The following AHRR variants were observed in gnomAD, a reference collection of about 807,000 sequenced individuals.
AHRR encodes the protein ahR repressor.
Under a neutral mutation model 44.0 loss-of-function variants are expected in AHRR, and 28 were observed. That is an observed-to-expected ratio of 0.64 (90% CI 0.47 to 0.87). The LOEUF is 0.87. Ranked by LOEUF, AHRR falls within the 40% of genes least tolerant of loss-of-function variation. AHRR has a pLI of 0.00. For missense variants in AHRR, 990 were observed against 953.9 expected, an observed-to-expected ratio of 1.04 and a Z score of -0.50; for synonymous variants, 434 against 407.0, an observed-to-expected ratio of 1.07 and a Z score of -0.80.
At chr5:329,575 G>T (rs1194240113) in intron 1 of AHRR, among the ~76,000 whole-genome samples, 1 of 152,196 alleles carries the variant, frequency 6.6e-6, no homozygotes, top group Non-Finnish European at 1.5e-5. Context: ...TGAATCTATA[G>T]ATTGCCTTGG....
chr5:370,064 ATCCTCCCGGGCCCTCGCTGGAAGCCCCG>A lies in AHRR; in HGVS notation c.245-6497_245-6470del, dbSNP rs1560895024. 6.6e-5 allele frequency among the ~76,000 whole-genome samples: 9 copies of A among 136,980 alleles called. No homozygotes were observed. The highest frequency in any genetic ancestry group is 4.6e-4 in the South Asian group (2 of 4,340). 89.9% of individuals were successfully genotyped at this position (136,980 alleles called of 152,430 possible). On this transcript the variant is annotated intron_variant, in intron 3 of 10. Transcript: ENST00000684583. This position sits in a 1 kb window ranked among gnomAD's most constrained non-coding sequence, Gnocchi z 4.5. ...CCTCCCGGGCTCTTGCTGGTGCCCC[ATCCTCCCGGGCCCTCGCTGGAAGCCCCG>A]TCCTCCCGGGCCCTCGCTGGAAGCC...
At chr5:423,018 G>A in intron 6 of AHRR, among the ~76,000 whole-genome samples, 160 bp downstream of exon 6, 1 of 152,156 alleles carries the variant, frequency 6.6e-6, no homozygotes, top group East Asian at 1.9e-4. Context: ...CTCCTCCCAT[G>A]TCCCTCCCTG....
chr5:421,620 C>T (rs1736126100), intron 5 of AHRR, among the ~76,000 whole-genome samples: 1 of 152,176 alleles, frequency 6.6e-6, no homozygotes, highest in Non-Finnish European at 1.5e-5. Context: ...GATGCTGGCG[C>T]CGCCCTTTTC....
chr5:373,284 G>A (rs996962610), intron 3 of AHRR, among the ~76,000 whole-genome samples: 3 of 152,372 alleles, frequency 2.0e-5, no homozygotes, highest in East Asian at 1.9e-4. Context: ...CATCTGACAC[G>A]CAGCCTTCCA....
chr5:422,942 C>T (rs1327722067), intron 6 of AHRR, 84 bp downstream of exon 6: 2 of 1,486,318 alleles, frequency 1.3e-6, no homozygotes, highest in Non-Finnish European at 1.8e-6. Flanking sequence ...GACCCTGTCG[C>T]ACCTTCTTGG....
At position 395,998 on chromosome 5, in the gene AHRR, A is replaced by G. The variant is rs1734685984; in HGVS notation, c.352-17346A>G. Reference sequence around the variant, plus strand: ...GCCAGAAGCGAAGGTATAAAACACCAGATGGTAACACAGGACCACAACTCA... The same window carrying G: ...GCCAGAAGCGAAGGTATAAAACACCGGATGGTAACACAGGACCACAACTCA... On this transcript the variant is annotated intron_variant, in intron 4 of 10. Coordinates refer to ENST00000684583, the MANE Select transcript of AHRR (RefSeq NM_001377236.1). The surrounding 1 kb of genome is among the most constrained non-coding windows in gnomAD (Gnocchi z 5.3). Among the ~76,000 whole-genome samples, 1 of 152,208 alleles carries G rather than the reference A, an allele frequency of 6.6e-6. No homozygotes were observed. The highest frequency in any genetic ancestry group is 1.5e-5 in the Non-Finnish European group (1 of 68,034).
In AHRR at chr5:404,014, T is replaced by C. The variant is rs531709357; in HGVS notation, c.352-9330T>C. The C allele has an allele frequency of 2.6e-3, 2,336 of 891,176 alleles. 9 individuals carry two copies. The highest frequency in any genetic ancestry group is 3.9e-3 in the Non-Finnish European group (2,091 of 536,610). The allele number at this position is 891,176 out of a possible 1,614,324, so 55.2% of individuals were successfully genotyped here. ...TACAGTAATTCGAACTTGGTGTTTT[T>C]TCTTAATCCACGGCTGAATCTGTTT... On this transcript the variant is annotated intron_variant, in intron 4 of 10. Transcript: ENST00000684583. This position sits in a 1 kb window ranked among gnomAD's most constrained non-coding sequence, Gnocchi z 4.1.
chr5:330,869 A>ATTTTTTTTTTTTTTTTTTT (rs34221385), intron 1 of AHRR, among the ~76,000 whole-genome samples: 1 of 97,496 alleles, frequency 1.0e-5, no homozygotes, highest in African/African-American at 4.4e-5. Context: ...ATAATTCAGC[A>ATTTTTTTTTTTTTTTTTTT]TTTTTTTTTT....
intron 3 of AHRR, among the ~76,000 whole-genome samples, chr5:361,036 G>T (rs1418188565): frequency 6.6e-6 from 1 of 152,100 alleles, no homozygotes; most frequent in African/African-American, 2.4e-5. Flanking sequence ...TGATCACAAG[G>T]TCAGGAGTTC....
intron 1 of AHRR, among the ~76,000 whole-genome samples, chr5:335,423 C>T (rs1414069186): frequency 6.6e-6 from 1 of 151,592 alleles, no homozygotes; most frequent in Non-Finnish European, 1.5e-5. Context: ...CAGGGTGTCC[C>T]CTGGGAGAAG....
chr5:402,319 G>T (rs1221132503), intron 4 of AHRR, among the ~76,000 whole-genome samples: 3 of 152,072 alleles, frequency 2.0e-5, no homozygotes, highest in Non-Finnish European at 2.9e-5. Context: ...GAGAGAAGGG[G>T]ACCCTCGTGC....
rs1736836978 is a variant in AHRR, at chr5:433,511, C to T, written c.1113-342C>T. 5.3e-5 allele frequency among the ~76,000 whole-genome samples: 8 copies of T among 152,348 alleles called. No individual in the cohort carries two copies. The South Asian group carries it at 1.7e-3, about 32-fold the overall frequency. On this transcript the variant is annotated intron_variant, in intron 10 of 10. Transcript: ENST00000684583. ...TTTTCTGCTTTGCAGTTCCCTGGGACCATTTGCACCGCCCTTCCCCACCCC... is the reference window on the plus strand; with the variant it reads ...TTTTCTGCTTTGCAGTTCCCTGGGATCATTTGCACCGCCCTTCCCCACCCC...
intron 4 of AHRR, among the ~76,000 whole-genome samples, chr5:410,508 A>G (rs1297381275): frequency 6.6e-6 from 1 of 152,058 alleles, no homozygotes; most frequent in Non-Finnish European, 1.5e-5. Context: ...CACCATGCCC[A>G]GCCATAAAAA....
At chr5:415,467 G>C (rs13161271) in intron 5 of AHRR, among the ~76,000 whole-genome samples, 759 of 33,752 alleles carry the variant, frequency 0.022, 6 homozygotes, top group Non-Finnish European at 0.033. Flanking sequence ...GGCCGAGTCT[G>C]CCTGGTCGGG....
At chr5:332,562 G>A (rs1012235287) in intron 1 of AHRR, among the ~76,000 whole-genome samples, 8 of 152,070 alleles carry the variant, frequency 5.3e-5, no homozygotes, top group African/African-American at 1.9e-4. Flanking sequence ...CACTGCACCT[G>A]GCCAATACTT....
chr5:366,193 G>T (rs1743355209), intron 3 of AHRR, among the ~76,000 whole-genome samples: 1 of 151,982 alleles, frequency 6.6e-6, no homozygotes, highest in Non-Finnish European at 1.5e-5. Context: ...AAGGACTAGG[G>T]CTTTTGGGGC....
At chr5:416,838 C>A (rs2126521329) in intron 5 of AHRR, among the ~76,000 whole-genome samples, 1 of 152,342 alleles carries the variant, frequency 6.6e-6, no homozygotes, top group Admixed American at 6.5e-5. Context: ...TTAAACAGAG[C>A]AGCTTCGGCT....
intron 2 of AHRR, among the ~76,000 whole-genome samples, chr5:345,541 T>G (rs572929620): frequency 1.4e-5 from 2 of 143,668 alleles, no homozygotes; most frequent in Non-Finnish European, 3.1e-5. Flanking sequence ...TCTCTGGCTG[T>G]GTGTGGGGAT....
chr5:427,317 A>T (rs994619329), intron 7 of AHRR, among the ~76,000 whole-genome samples: 12 of 152,242 alleles, frequency 7.9e-5, no homozygotes, highest in Admixed American at 7.9e-4. Context: ...TGTACACCCT[A>T]GATAAATAAA....
Sources: gnomAD v4.1 joint callset for allele counts (sites outside exome capture counted in the v4.1 genomes callset) on GRCh38, gnomAD v4.1.1 for gene constraint, Gnocchi (gnomAD v3.1) non-coding constraint, MANE v1.5 for transcripts, NCBI Gene and HGNC (gene_info 2026-07-23, HGNC 2026-07-21) for gene names.